The following ROBO2 variants were observed in gnomAD, a reference collection of about 807,000 sequenced individuals.
The protein encoded by ROBO2 is roundabout guidance receptor 2, also known as roundabout homolog 2.
ROBO2 carries 53 observed loss-of-function variants against 160.8 expected under a neutral mutation model. The ratio of observed to expected loss-of-function variants is 0.33; its 90% CI spans 0.26 to 0.41. The LOEUF (loss-of-function observed/expected upper bound fraction) is 0.41, where lower values mean the gene tolerates loss of function less well. Ranked by LOEUF, ROBO2 falls within the 10% of genes least tolerant of loss-of-function variation. ROBO2 has a pLI of 1.00. For missense variants in ROBO2, 1,577 were observed against 1,722.4 expected (o/e 0.92, Z 1.49); for synonymous variants, 664 against 611.7 (o/e 1.09, Z -1.26).
At chr3:76,883,578 A>G (rs1181366192) in intron 2 of ROBO2, among the ~76,000 whole-genome samples, 1 of 152,168 alleles carries the variant, frequency 6.6e-6, no homozygotes, top group African/African-American at 2.4e-5. Flanking sequence ...TCTCAAACCA[A>G]TTTAGTATCA....
chr3:77,386,739 A>G (rs1479896234), intron 2 of ROBO2, among the ~76,000 whole-genome samples: 1 of 150,518 alleles, frequency 6.6e-6, no homozygotes, highest in Non-Finnish European at 1.5e-5. Flanking sequence ...AGTAGCTGGG[A>G]TTACAGGCGC....
At chr3:76,720,301 T>C (rs139442959) in intron 2 of ROBO2, among the ~76,000 whole-genome samples, 80 of 152,274 alleles carry the variant, frequency 5.3e-4, no homozygotes, top group African/African-American at 1.9e-3. Context: ...GGAAAAAATC[T>C]ATTGTGTCCA....
intron 1 of ROBO2, among the ~76,000 whole-genome samples, chr3:77,078,810 T>A (rs2149902953): frequency 6.6e-6 from 1 of 152,312 alleles, no homozygotes; most frequent in South Asian, 2.1e-4. Flanking sequence ...GTGCTACCAG[T>A]TTCCCACAGC....
At chr3:75,928,860 A>ATGTG (rs1947397303) in intron 1 of ROBO2, among the ~76,000 whole-genome samples, 1 of 99,054 alleles carries the variant, frequency 1.0e-5, no homozygotes, top group Non-Finnish European at 2.0e-5. Flanking sequence ...GCTGGATAAG[A>ATGTG]CGTGTGTGTG....
rs559623887 is a variant in ROBO2 at position 76,275,841 on chromosome 3, G to A, written c.109+338239G>A. ...TCCCACCTGTAAATGACTTCCAGAA[G>A]TTTATGTTATCCTGAATTAATCACT... is the stretch of plus-strand genomic sequence containing the variant. On this transcript the variant is annotated intron_variant, in intron 2 of 26. Coordinates refer to the ROBO2 transcript ENST00000487694. Among the ~76,000 whole-genome samples the A allele has an allele frequency of 3.3e-5, 5 of 152,156 alleles. No homozygotes were observed. The South Asian group carries it at 8.3e-4, about 25-fold the overall frequency.
chr3:76,858,377 C>T lies in ROBO2; in HGVS notation c.110-239637C>T, dbSNP rs534160059. ...TCTCAAGTTCAAGCAATTCCTGTGCCTCAGCCTCCCAAGTAGCTGGGACTA... is the reference window on the plus strand; with the variant it reads ...TCTCAAGTTCAAGCAATTCCTGTGCTTCAGCCTCCCAAGTAGCTGGGACTA... On this transcript the variant is annotated intron_variant, in intron 2 of 26. Transcript: ENST00000487694. Among the ~76,000 whole-genome samples the T allele has an allele frequency of 8.5e-5, 13 of 152,204 alleles. No homozygotes were observed. The East Asian group carries it at 2.5e-3, about 29-fold the overall frequency.
At chr3:77,036,369 T>C (rs1302397786), upstream of ROBO2, among the ~76,000 whole-genome samples, 1 of 152,010 alleles carries the variant, frequency 6.6e-6, no homozygotes, top group Non-Finnish European at 1.5e-5. Context: ...GCCTTACAAT[T>C]ATAACAAGAG....
At chr3:76,754,846 A>T (rs1046565134) in intron 2 of ROBO2, among the ~76,000 whole-genome samples, 2 of 151,912 alleles carry the variant, frequency 1.3e-5, no homozygotes, top group African/African-American at 4.8e-5. Context: ...AGGGTTGGGA[A>T]ATTGCAAAAT....
At chr3:76,191,602 C>T (rs1210191660) in intron 2 of ROBO2, among the ~76,000 whole-genome samples, 1 of 152,014 alleles carries the variant, frequency 6.6e-6, no homozygotes, top group Non-Finnish European at 1.5e-5. Flanking sequence ...ACCTTTAGTT[C>T]AATTCTGCAT....
chr3:77,404,509 A>C (rs2076099330), intron 2 of ROBO2, among the ~76,000 whole-genome samples: 1 of 152,130 alleles, frequency 6.6e-6, no homozygotes, highest in Non-Finnish European at 1.5e-5. Flanking sequence ...TAAACATGGA[A>C]TTCTAGAACT....
chr3:76,168,424 C>A (rs2072916265), intron 2 of ROBO2, among the ~76,000 whole-genome samples: 1 of 152,088 alleles, frequency 6.6e-6, no homozygotes, highest in Admixed American at 6.5e-5. Context: ...TTATGCCTGA[C>A]TTTTTCTTCG....
At chr3:76,638,333 A>G (rs1186952640) in intron 2 of ROBO2, among the ~76,000 whole-genome samples, 2 of 152,198 alleles carry the variant, frequency 1.3e-5, no homozygotes, top group Non-Finnish European at 2.9e-5. Flanking sequence ...TTAAACATGA[A>G]TATTTAAAAT....
chr3:76,798,302 A>AAGAAAG, intron 2 of ROBO2, among the ~76,000 whole-genome samples: 1 of 151,496 alleles, frequency 6.6e-6, no homozygotes, highest in East Asian at 2.0e-4. Flanking sequence ...GAAAGAAAGA[A>AAGAAAG]AGAAAGAAAG....
chr3:76,085,372 T>C (rs1452393803), intron 2 of ROBO2, among the ~76,000 whole-genome samples: 1 of 152,110 alleles, frequency 6.6e-6, no homozygotes, highest in Non-Finnish European at 1.5e-5. Context: ...TTATCAGATA[T>C]CAAGGAATCC....
At chr3:76,449,358 A>G (rs116525295) in intron 2 of ROBO2, among the ~76,000 whole-genome samples, 147 of 152,246 alleles carry the variant, frequency 9.7e-4, no homozygotes, top group African/African-American at 3.4e-3. Flanking sequence ...CACTGTGTAG[A>G]ACACTAGAAT....
At chr3:76,841,081 CA>C (rs1310336070) in intron 2 of ROBO2, among the ~76,000 whole-genome samples, 1 of 152,024 alleles carries the variant, frequency 6.6e-6, no homozygotes, top group African/African-American at 2.4e-5. Flanking sequence ...TCTCCAAACA[CA>C]AATAGGAGTG....
intron 6 of ROBO2, among the ~76,000 whole-genome samples, chr3:77,544,455 C>A (rs1351783007): frequency 6.6e-6 from 1 of 152,048 alleles, no homozygotes; most frequent in Non-Finnish European, 1.5e-5. Context: ...GTAGATTTAT[C>A]CCATCTGTCC....
chr3:75,932,251 G>A (rs998482597), intron 1 of ROBO2, among the ~76,000 whole-genome samples: 1 of 152,102 alleles, frequency 6.6e-6, no homozygotes, highest in African/African-American at 2.4e-5. Context: ...CTAAATCTGA[G>A]GAGTTTTCAG....
At chr3:76,658,066 G>GAATA (rs199659732) in intron 2 of ROBO2, among the ~76,000 whole-genome samples, 1,446 of 131,672 alleles carry the variant, frequency 0.011, 20 homozygotes, top group African/African-American at 0.03. Flanking sequence ...GATCCTGTCT[G>GAATA]AATAAATAAA....
Sources: allele counts gnomAD v4.1 joint callset (sites outside exome capture counted in the v4.1 genomes callset), GRCh38; gene constraint gnomAD v4.1.1; transcripts MANE v1.5; gene names NCBI Gene and HGNC (gene_info 2026-07-23, HGNC 2026-07-21).